The following SMC1B variants were observed in gnomAD, a reference collection of about 807,000 sequenced individuals.
The protein encoded by SMC1B is structural maintenance of chromosomes 1B.
A neutral mutation model predicts 157.9 loss-of-function variants in SMC1B; 60 were observed. The observed-to-expected ratio is 0.38, with a 90% confidence interval of 0.31 to 0.47. The LOEUF is 0.47. Among genes scored for constraint, SMC1B ranks in the 20% least tolerant of loss-of-function variants. The pLI is 0.99. For synonymous variants in SMC1B, 445 were observed against 483.0 expected (o/e 0.92, Z 1.03); for missense variants, 1,165 against 1,426.2 (o/e 0.82, Z 2.95).
At chr22:45,356,919 G>T (rs1362374572) in intron 19 of SMC1B, among the ~76,000 whole-genome samples, 1 of 151,856 alleles carries the variant, frequency 6.6e-6, no homozygotes, top group African/African-American at 2.4e-5. Context: ...TTTTAGTGGA[G>T]ACAGGGTTTC....
intron 5 of SMC1B, among the ~76,000 whole-genome samples, chr22:45,401,646 T>G (rs552699747): frequency 2.6e-5 from 4 of 152,372 alleles, no homozygotes; most frequent in Admixed American, 1.3e-4. Flanking sequence ...CAACCCTTCA[T>G]GCCCTAAATC....
chr22:45,396,440 GCTA>G lies in SMC1B; in HGVS notation c.1157_1159del (p.Val386del), dbSNP rs2087125062. On this transcript the variant is annotated inframe_deletion, in exon 7 of 25. Coordinates refer to ENST00000357450, the MANE Select transcript of SMC1B (RefSeq NM_148674.5). ...TTTTTCCAGTTGTTGAGTCATTGTA[GCTA>G]CTTTCTTTCTTACTTGTTCCTTAAG... 1.2e-6 allele frequency: 2 copies of G among 1,612,794 alleles called. No homozygotes were observed. Among genetic ancestry groups the G allele is most frequent in the East Asian group, 2.2e-5 (1 of 44,764 alleles).
rs1431034316 is a variant in SMC1B at position 45,352,605 on chromosome 22, G to A, written c.3274-3C>T. ...GGGTTCTCTGGGCTAAGAAATGCCTGAAACGCATGTTATTTATTTAGCAAT... is the reference window on the plus strand; with the variant it reads ...GGGTTCTCTGGGCTAAGAAATGCCTAAAACGCATGTTATTTATTTAGCAAT... On this transcript the variant is annotated splice_polypyrimidine_tract_variant and splice_region_variant and intron_variant, in intron 21 of 24. Coordinates refer to ENST00000357450, the MANE Select transcript of SMC1B (RefSeq NM_148674.5). 6.3e-7 allele frequency: 1 copy of A among 1,594,158 alleles called. No individual in the cohort carries two copies. The highest frequency in any genetic ancestry group is 8.5e-7 in the Non-Finnish European group (1 of 1,170,700).
At chr22:45,364,724 G>T (rs1403896941) in intron 15 of SMC1B, among the ~76,000 whole-genome samples, 1 of 152,006 alleles carries the variant, frequency 6.6e-6, no homozygotes, top group Admixed American at 6.6e-5. Context: ...TGGCTTTGGG[G>T]TGTCACATTA....
At chr22:45,345,661 A>G (rs1184817901) in intron 23 of SMC1B, 92 bp from the exon 24 acceptor site, 2 of 754,976 alleles carry the variant, frequency 2.6e-6, no homozygotes, top group African/African-American at 1.8e-5. Flanking sequence ...GAGTCTGGTC[A>G]GTTTAGGTGA....
chr22:45,353,913 AAAAAAAAC>A lies in SMC1B; in HGVS notation c.3273+57_3273+64del, dbSNP rs1365377100. ...CCCACCAAAAAAAAAAAAAAAAAAA[AAAAAAAAC>A]AACCACCACCGGTAACACAGAATTC... is the stretch of plus-strand genomic sequence containing the variant. On this transcript the variant is annotated intron_variant, in intron 21 of 24. Transcript: ENST00000357450. 1.5e-3 allele frequency: 1,155 copies of A among 757,504 alleles called. 31 individuals carry two copies. Among genetic ancestry groups the A allele is most frequent in the South Asian group, 6.2e-3 (287 of 46,662 alleles). 46.9% of individuals were successfully genotyped at this position (757,504 alleles called of 1,614,324 possible).
In SMC1B at chr22:45,402,448, T is replaced by C. The variant is rs1342125634; in HGVS notation, c.739A>G (p.Arg247Gly). Reference sequence around the variant, plus strand: ...GACTCTCTTTTGACACTCAAATCCCTATTCACATGCTCTAACTTGGTGTTC... The same window carrying C: ...GACTCTCTTTTGACACTCAAATCCCCATTCACATGCTCTAACTTGGTGTTC... ...LLNTKLEHVN[R>G]DLSVKRESLS... The change falls in exon 5 of 25, where the codon AGG (arginine) becomes GGG (glycine). Residue 247 changes from arginine (R) to glycine (G), a missense_variant. Arg to Gly is a moderately radical substitution (Grantham distance 125, BLOSUM62 -2). Coordinates refer to ENST00000357450, the MANE Select transcript of SMC1B (RefSeq NM_148674.5). 3.1e-6 allele frequency: 5 copies of C among 1,613,968 alleles called. No individual in the cohort carries two copies. The South Asian group carries it at 5.5e-5, about 18-fold the overall frequency.
intron 20 of SMC1B, 131 bp from the exon 21 acceptor site, chr22:45,354,263 C>T (rs2086647954): frequency 9.7e-6 from 6 of 617,834 alleles, no homozygotes; most frequent in African/African-American, 1.9e-5. Flanking sequence ...CTTCAAAATA[C>T]CTAAACTATT....
chr22:45,396,476 TA>T lies in SMC1B; in HGVS notation c.1123del (p.Tyr375IlefsTer8). 1.9e-6 allele frequency: 3 copies of T among 1,611,972 alleles called. No homozygotes were observed. Among genetic ancestry groups the T allele is most frequent in the Non-Finnish European group, 8.5e-7 (1 of 1,179,214 alleles). Reference sequence around the variant, plus strand: ...TCTTACTTGTTCCTTAAGTTCTTTATAACGATCCAGCTGCATAAACAGTATT... The same window carrying T: ...TCTTACTTGTTCCTTAAGTTCTTTATACGATCCAGCTGCATAAACAGTATT... ...IELEASQLDR[Y>X]KELKEQVRKK... On this transcript the variant is annotated frameshift_variant, in exon 7 of 25. Coordinates refer to ENST00000357450, the MANE Select transcript of SMC1B (RefSeq NM_148674.5). LOFTEE classifies it high-confidence loss of function.
At position 45,372,142 on chromosome 22, in the gene SMC1B, A is replaced by C. The variant is rs2086838925; in HGVS notation, c.2196+13T>G. On this transcript the variant is annotated intron_variant, in intron 13 of 24. Coordinates refer to ENST00000357450, the MANE Select transcript of SMC1B (RefSeq NM_148674.5). ...GTCAAATGCCTATCATATTTTATGT[A>C]AGTCTATATTACCTGGTAAAAAGCA... 1 of 1,580,280 alleles carries C rather than the reference A, an allele frequency of 6.3e-7. No homozygotes were observed. Among genetic ancestry groups the C allele is most frequent in the Admixed American group, 1.9e-5 (1 of 53,044 alleles).
chr22:45,399,744 G>T (rs1443113718), intron 5 of SMC1B, among the ~76,000 whole-genome samples: 2 of 152,166 alleles, frequency 1.3e-5, no homozygotes, highest in Non-Finnish European at 2.9e-5. Context: ...TTACTGAAGG[G>T]GTGGAAGGAA....
chr22:45,361,890 T>A lies in SMC1B; in HGVS notation c.2657A>T (p.Lys886Ile), dbSNP rs1409511051. 1 of 1,614,174 alleles carries A rather than the reference T, an allele frequency of 6.2e-7. No homozygotes were observed. The highest frequency in any genetic ancestry group is 1.1e-5 in the South Asian group (1 of 91,066). Residue 886 changes from lysine (K) to isoleucine (I), a missense_variant, in exon 17 of 25, where the codon AAA (lysine) becomes ATA (isoleucine). Transcript: ENST00000357450. ...IRVTQNSSAE[K>I]VQTQIEEERK... Reference sequence around the variant, plus strand: ...TTCCTCTTCAATTTGAGTTTGAACTTTCTCGGCACTGGAGTTCTGAGTGAC... The same window carrying A: ...TTCCTCTTCAATTTGAGTTTGAACTATCTCGGCACTGGAGTTCTGAGTGAC...
intron 12 of SMC1B, among the ~76,000 whole-genome samples, chr22:45,381,497 G>A (rs1161628000): frequency 3.3e-5 from 5 of 152,090 alleles, no homozygotes; most frequent in Admixed American, 3.3e-4. Flanking sequence ...TCAAGACCAG[G>A]CATCTTCACA....
chr22:45,393,496 C>T, intron 9 of SMC1B, 138 bp downstream of exon 9: 2 of 665,046 alleles, frequency 3.0e-6, no homozygotes, highest in Non-Finnish European at 4.9e-6. Flanking sequence ...AAGAGTCAAA[C>T]ACAAAACTTA....
At chr22:45,384,219 C>T (rs2086967947) in intron 11 of SMC1B, among the ~76,000 whole-genome samples, 1 of 152,156 alleles carries the variant, frequency 6.6e-6, no homozygotes, top group Non-Finnish European at 1.5e-5. Context: ...TGCCCATTTT[C>T]CCACTATATT....
chr22:45,393,357 G>A (rs918638598), intron 9 of SMC1B, among the ~76,000 whole-genome samples: 1 of 152,084 alleles, frequency 6.6e-6, no homozygotes, highest in African/African-American at 2.4e-5. Flanking sequence ...AGGTCCTTTT[G>A]GGGATACTGG....
At chr22:45,376,618 T>C (rs886066312) in intron 12 of SMC1B, among the ~76,000 whole-genome samples, 7 of 152,212 alleles carry the variant, frequency 4.6e-5, no homozygotes, top group African/African-American at 1.4e-4. Context: ...CTATTTTTGA[T>C]TTTTTGAGAA....
chr22:45,379,231 C>T (rs2086911714), intron 12 of SMC1B, among the ~76,000 whole-genome samples: 1 of 152,230 alleles, frequency 6.6e-6, no homozygotes, highest in South Asian at 2.1e-4. Context: ...CTCAAGTGAT[C>T]CACCCACCTT....
chr22:45,362,035 G>A, intron 16 of SMC1B, 51 bp from the exon 17 acceptor site: 2 of 1,561,924 alleles, frequency 1.3e-6, no homozygotes, highest in Non-Finnish European at 8.7e-7. Context: ...ATATTAATAA[G>A]GTACTTCTAT....
Sources: allele counts gnomAD v4.1 joint callset (sites outside exome capture counted in the v4.1 genomes callset), GRCh38; gene constraint gnomAD v4.1.1; transcripts MANE v1.5; gene names NCBI Gene and HGNC (gene_info 2026-07-23, HGNC 2026-07-21).